The following COLEC12 variants were observed in gnomAD, a reference collection of about 807,000 sequenced individuals.
The protein encoded by COLEC12 is collectin-12.
Under a neutral mutation model 71.1 loss-of-function variants are expected in COLEC12, and 33 were observed. The observed-to-expected ratio is 0.46, with a 90% CI of 0.35 to 0.62. COLEC12 has a LOEUF of 0.62. Among genes scored for constraint, COLEC12 ranks in the 20% least tolerant of loss-of-function variants. The pLI is 0.00. For missense variants in COLEC12, 765 were observed against 916.1 expected (o/e 0.84, Z 2.13); for synonymous variants, 350 against 353.0 (o/e 0.99, Z 0.10).
At chr18:453,196 G>A (rs1202625578) in intron 2 of COLEC12, among the ~76,000 whole-genome samples, 1 of 152,230 alleles carries the variant, frequency 6.6e-6, no homozygotes, top group Non-Finnish European at 1.5e-5. Context: ...AGCATCGTAT[G>A]ATCAGTGTCA....
chr18:350,265 T>C (rs1196169386), intron 3 of COLEC12, among the ~76,000 whole-genome samples: 1 of 152,136 alleles, frequency 6.6e-6, no homozygotes. Flanking sequence ...TCTGATGGGT[T>C]TCCACTTTTT....
intron 2 of COLEC12, among the ~76,000 whole-genome samples, chr18:453,360 AGAAGGATGAG>A (rs1916799846): frequency 6.6e-6 from 1 of 152,226 alleles, no homozygotes; most frequent in African/African-American, 2.4e-5. Context: ...CTGGAAAATG[AGAAGGATGAG>A]GAAGGAGGAG....
chr18:327,384 C>T lies in COLEC12; in HGVS notation c.2063+4284G>A, dbSNP rs1412057053. Reference sequence around the variant, plus strand: ...ATTGTATTGGTGTGTGGATCCAAAGCATCTGGGGACCCATCCTTGGAACTG... The same window carrying T: ...ATTGTATTGGTGTGTGGATCCAAAGTATCTGGGGACCCATCCTTGGAACTG... On this transcript the variant is annotated intron_variant, in intron 8 of 9. Transcript: ENST00000400256. The surrounding 1 kb of genome is among the most constrained non-coding windows in gnomAD (Gnocchi z 4.0). 6.6e-6 allele frequency among the ~76,000 whole-genome samples: 1 copy of T among 151,990 alleles called. No homozygotes were observed. The highest frequency in any genetic ancestry group is 2.4e-5 in the African/African-American group (1 of 41,364).
intron 2 of COLEC12, among the ~76,000 whole-genome samples, chr18:441,204 T>C (rs2846638): frequency 0.89 from 130,484 of 147,346 alleles, 58,741 homozygotes; most frequent in East Asian, 1. Flanking sequence ...GCCGAGATTG[T>C]GCCACTGCAC....
chr18:431,013 A>T lies in COLEC12; in HGVS notation c.58+49694T>A, dbSNP rs558458900. Among the ~76,000 whole-genome samples the T allele has an allele frequency of 1.7e-3, 260 of 151,630 alleles. 1 individual carries two copies. Among genetic ancestry groups the T allele is most frequent in the Non-Finnish European group, 2.5e-3 (168 of 67,882 alleles). On this transcript the variant is annotated intron_variant, in intron 2 of 9. Coordinates refer to ENST00000400256, the MANE Select transcript of COLEC12 (RefSeq NM_130386.3). Reference sequence around the variant, plus strand: ...CCACACATTTTATTTTATTTTATTTATTTTTTTCTTACTCTGTTGCCCAGG... The same window carrying T: ...CCACACATTTTATTTTATTTTATTTTTTTTTTTCTTACTCTGTTGCCCAGG...
chr18:455,469 G>A (rs1409201536), intron 2 of COLEC12, among the ~76,000 whole-genome samples: 3 of 151,872 alleles, frequency 2.0e-5, no homozygotes, highest in Non-Finnish European at 2.9e-5. Flanking sequence ...TAGTAGAGAC[G>A]GGGTTTCACC....
At chr18:476,798 T>C (rs1198224108) in intron 2 of COLEC12, among the ~76,000 whole-genome samples, 1 of 152,242 alleles carries the variant, frequency 6.6e-6, no homozygotes, top group African/African-American at 2.4e-5. Flanking sequence ...AATAAAAATA[T>C]ACTGGTGCCT....
rs1598385000 is a variant in COLEC12 at position 500,562 on chromosome 18, C to A, written c.-48G>T. On this transcript the variant is annotated 5_prime_UTR_variant, in exon 1 of 10. Transcript: ENST00000400256. The surrounding 1 kb of genome is among the most constrained non-coding windows in gnomAD (Gnocchi z 5.3). ...CGGCCGGGGAGCTCCGCGCGAGCGC[C>A]GCGCAGCCGAGGAAGTCGTCCCGAG... The A allele has an allele frequency of 7.4e-6, 9 of 1,216,940 alleles. No homozygotes were observed. The highest frequency in any genetic ancestry group is 9.2e-6 in the Non-Finnish European group (9 of 978,668). The allele number at this position is 1,216,940 out of a possible 1,614,324, so 75.4% of individuals were successfully genotyped here. A position where few individuals can be genotyped will look rare whatever the true frequency, so the allele number is the denominator to read the frequency against.
chr18:426,189 T>G (rs891229972), intron 2 of COLEC12, among the ~76,000 whole-genome samples: 1 of 152,214 alleles, frequency 6.6e-6, no homozygotes, highest in Admixed American at 6.5e-5. Context: ...CATATTTTAT[T>G]GGTTCTCAAA....
At chr18:468,261 C>CAA (rs5822568) in intron 2 of COLEC12, among the ~76,000 whole-genome samples, 2,273 of 125,426 alleles carry the variant, frequency 0.018, 35 homozygotes, top group Non-Finnish European at 0.024. Flanking sequence ...GACTCCGTCT[C>CAA]AAAAAAAAAA....
intron 5 of COLEC12, among the ~76,000 whole-genome samples, chr18:338,984 ATTTTTTTTT>A (rs33991062): frequency 0.69 from 100,394 of 145,072 alleles, 34,354 homozygotes; most frequent in East Asian, 0.97. Context: ...TATTGTCTTA[ATTTTTTTTT>A]TTTTTTTTTT....
chr18:321,084 C>T (rs902801677), intron 9 of COLEC12, among the ~76,000 whole-genome samples: 10 of 152,150 alleles, frequency 6.6e-5, no homozygotes, highest in African/African-American at 1.9e-4. Context: ...GATGGAGTTT[C>T]GCTGTTGTTT....
chr18:348,284 C>A (rs1914431590), intron 3 of COLEC12, 121 bp from the exon 4 acceptor site: 2 of 591,694 alleles, frequency 3.4e-6, no homozygotes, highest in Non-Finnish European at 2.9e-6. Flanking sequence ...AACAGTGTAA[C>A]TGAAATCAAA....
intron 1 of COLEC12, among the ~76,000 whole-genome samples, chr18:488,139 G>A (rs887728910): frequency 3.9e-5 from 6 of 152,228 alleles, no homozygotes; most frequent in Middle Eastern, 3.4e-3. Context: ...GGCTGGGCAC[G>A]GTGGCTGACA....
intron 2 of COLEC12, among the ~76,000 whole-genome samples, chr18:417,846 A>G (rs1916019158): frequency 7.8e-6 from 1 of 128,782 alleles, no homozygotes; most frequent in Non-Finnish European, 1.9e-5. Context: ...CCACAATTAG[A>G]GAGTGTTCCC....
chr18:329,006 G>A (rs1028403403), intron 8 of COLEC12, among the ~76,000 whole-genome samples: 2 of 152,166 alleles, frequency 1.3e-5, no homozygotes, highest in African/African-American at 4.8e-5. Context: ...TGGAAAACGA[G>A]AAGCACAGCC....
intron 2 of COLEC12, among the ~76,000 whole-genome samples, chr18:389,599 A>T (rs188108498): frequency 9.9e-5 from 15 of 151,850 alleles, no homozygotes; most frequent in African/African-American, 2.2e-4. Context: ...CAATTTTTTT[A>T]AAAAAAGATA....
chr18:415,635 T>C (rs954774879), intron 2 of COLEC12, among the ~76,000 whole-genome samples: 7 of 151,560 alleles, frequency 4.6e-5, no homozygotes, highest in Non-Finnish European at 1.0e-4. Flanking sequence ...GCCCCTCTTG[T>C]CATCTACACA....
At chr18:473,553 G>T (rs539006308) in intron 2 of COLEC12, among the ~76,000 whole-genome samples, 1 of 151,976 alleles carries the variant, frequency 6.6e-6, no homozygotes, top group South Asian at 2.1e-4. Context: ...AGTAGAGACA[G>T]GGTTTCTCCA....
Sources: allele counts gnomAD v4.1 joint callset (sites outside exome capture counted in the v4.1 genomes callset), GRCh38; gene constraint gnomAD v4.1.1; non-coding constraint Gnocchi (gnomAD v3.1); transcripts MANE v1.5; gene names NCBI Gene and HGNC (gene_info 2026-07-23, HGNC 2026-07-21).